The following CBR4 variants were observed in gnomAD, a reference collection of about 807,000 sequenced individuals.
The protein encoded by CBR4 is 3-oxoacyl-[acyl-carrier-protein] reductase.
CBR4 carries 22 observed loss-of-function variants against 21.0 expected under a neutral mutation model. That is an observed-to-expected ratio of 1.05 (90% CI 0.75 to 1.50). The LOEUF (loss-of-function observed/expected upper bound fraction) is 1.50, where lower values mean the gene tolerates loss of function less well. Among genes scored for constraint, CBR4 ranks in the 40% most tolerant of loss-of-function variants. CBR4 has a pLI of 0.00. For missense variants in CBR4, 302 were observed against 286.3 expected (o/e 1.05, Z -0.40); for synonymous variants, 100 against 104.4 (o/e 0.96, Z 0.26).
chr4:168,914,997 G>A (rs1759811847), intron 2 of CBR4, among the ~76,000 whole-genome samples: 1 of 152,152 alleles, frequency 6.6e-6, no homozygotes, highest in Non-Finnish European at 1.5e-5. Context: ...ACAGGATTAG[G>A]TCCATTGTCT....
At chr4:168,984,664 C>T (rs753670803), downstream of CBR4, among the ~76,000 whole-genome samples, 2 of 152,130 alleles carry the variant, frequency 1.3e-5, no homozygotes, top group Non-Finnish European at 2.9e-5. Flanking sequence ...TCAAAATATA[C>T]TAAAAGGCTA....
In CBR4 at chr4:168,921,733, T is replaced by C. The variant is rs1560929667; in HGVS notation, n.170-26968A>G. 1 of 1,611,180 alleles carries C rather than the reference T, an allele frequency of 6.2e-7. No homozygotes were observed. On this transcript the variant is annotated intron_variant and non_coding_transcript_variant, in intron 2 of 3. Transcript: ENST00000509108. The stretch of plus-strand genomic sequence containing the variant: ...CAGAACTCATTCAGCCTGGAGCTTG[T>C]GGTTGCTGGTAGGCTCATCTGTGAA...
At chr4:168,927,321 T>TCAAA (rs1762692550) in intron 2 of CBR4, 1 of 232,046 alleles carries the variant, frequency 4.3e-6, no homozygotes, top group African/African-American at 2.2e-5. Context: ...TTGGTTTTCT[T>TCAAA]CAAACATAGG....
At chr4:169,007,505 A>G in intron 2 of CBR4, 131 bp downstream of exon 2, 1 of 474,786 alleles carries the variant, frequency 2.1e-6, no homozygotes, top group Non-Finnish European at 3.4e-6. Context: ...TTATGGATTG[A>G]CAAGTTTTAA....
chr4:168,995,786 G>A (rs1402532621), intron 4 of CBR4, among the ~76,000 whole-genome samples: 2 of 152,090 alleles, frequency 1.3e-5, no homozygotes, highest in Non-Finnish European at 2.9e-5. Flanking sequence ...CCAGTTTGGA[G>A]GACAGACATG....
chr4:168,915,223 A>G (rs567451688), intron 2 of CBR4, among the ~76,000 whole-genome samples: 1 of 152,298 alleles, frequency 6.6e-6, no homozygotes, highest in South Asian at 2.1e-4. Context: ...CTTATCTTCT[A>G]GTCACTACTG....
intron 2 of CBR4, among the ~76,000 whole-genome samples, chr4:168,961,536 GTTTCTCCATGAGATCCA>G (rs1370288490): frequency 2.0e-5 from 3 of 151,982 alleles, no homozygotes; most frequent in African/African-American, 7.2e-5. Context: ...ACAGTTTCCA[GTTTCTCCATGAGATCCA>G]TGAACTAAAA....
intron 4 of CBR4, among the ~76,000 whole-genome samples, chr4:168,996,419 CCT>C (rs1020709090): frequency 7.2e-6 from 1 of 138,734 alleles, no homozygotes; most frequent in Non-Finnish European, 1.5e-5. Flanking sequence ...ATCACCCCCC[CCT>C]TTCCATTTCC....
In CBR4 at chr4:168,932,586, C is replaced by T. The variant is rs570073363; in HGVS notation, n.170-37821G>A. ...TCTAGCTCTAAGAAGCTTAAAGTCCCCAAAGAGATTCAACCTAAACAGTTC... is the reference window on the plus strand; with the variant it reads ...TCTAGCTCTAAGAAGCTTAAAGTCCTCAAAGAGATTCAACCTAAACAGTTC... On this transcript the variant is annotated intron_variant and non_coding_transcript_variant, in intron 2 of 3. Transcript: ENST00000509108. 6.6e-5 allele frequency among the ~76,000 whole-genome samples: 10 copies of T among 152,112 alleles called. 1 individual carries two copies. In the South Asian group the frequency reaches 1.9e-3, roughly 28 times the overall value.
chr4:169,007,481 T>C (rs1054490383), intron 2 of CBR4, among the ~76,000 whole-genome samples, 155 bp downstream of exon 2: 4 of 152,190 alleles, frequency 2.6e-5, no homozygotes, highest in Non-Finnish European at 5.9e-5. Context: ...TATCTCAATA[T>C]AAAGGAAAAT....
At chr4:168,970,416 C>T (rs573432259) in intron 2 of CBR4, among the ~76,000 whole-genome samples, 206 of 152,236 alleles carry the variant, frequency 1.4e-3, no homozygotes, top group African/African-American at 4.4e-3. Flanking sequence ...TCAATTTCTT[C>T]CCTACCTGAT....
rs1757100059 is a variant in CBR4 at position 168,904,015 on chromosome 4, T to C, written n.170-9250A>G. 7 of 1,133,264 alleles carry C rather than the reference T, an allele frequency of 6.2e-6. No homozygotes were observed. In the Admixed American group the frequency reaches 8.9e-5, roughly 14 times the overall value. 70.2% of individuals were successfully genotyped at this position (1,133,264 alleles called of 1,614,324 possible). ...GAAGTTAAGAAGTTTCTTTGATTTATGAAACTATTTTTCCAAATTCTACAT... is the reference window on the plus strand; with the variant it reads ...GAAGTTAAGAAGTTTCTTTGATTTACGAAACTATTTTTCCAAATTCTACAT... On this transcript the variant is annotated intron_variant and non_coding_transcript_variant, in intron 2 of 3. Transcript: ENST00000509108.
At chr4:168,979,343 A>G (rs2126778643) in intron 2 of CBR4, among the ~76,000 whole-genome samples, 1 of 152,228 alleles carries the variant, frequency 6.6e-6, no homozygotes, top group East Asian at 1.9e-4. Flanking sequence ...GAGCTTAAGG[A>G]CTATCACAGG....
chr4:169,002,034 A>G lies in CBR4; in HGVS notation c.535+37T>C, dbSNP rs758195973. The G allele has an allele frequency of 3.0e-5, 45 of 1,499,730 alleles. No individual in the cohort carries two copies. In the South Asian group the frequency reaches 5.5e-4, roughly 18 times the overall value. 92.9% of individuals were successfully genotyped at this position (1,499,730 alleles called of 1,614,324 possible). A position where few individuals can be genotyped will look rare whatever the true frequency, so the allele number is the denominator to read the frequency against. On this transcript the variant is annotated intron_variant, in intron 4 of 4. Coordinates refer to ENST00000306193, the MANE Select transcript of CBR4 (RefSeq NM_032783.5). ...ATAATGGCTTCCCTATAAAACAATA[A>G]TCATAATCAAGTTATTTTAATAAAG...
chr4:169,009,059 CAAAAA>C (rs34403282), intron 1 of CBR4: 12 of 359,992 alleles, frequency 3.3e-5, no homozygotes, highest in Admixed American at 1.1e-4. Context: ...GAAGCCCTCT[CAAAAA>C]AAAAAAAAAA....
chr4:169,007,349 G>A (rs1292228249), intron 2 of CBR4, among the ~76,000 whole-genome samples: 2 of 152,130 alleles, frequency 1.3e-5, no homozygotes, highest in Admixed American at 1.3e-4. Flanking sequence ...TCAGAAAACA[G>A]TTACCAACAA....
chr4:168,895,906 G>T (rs1359862630), intron 2 of CBR4, among the ~76,000 whole-genome samples: 1 of 152,104 alleles, frequency 6.6e-6, no homozygotes, highest in South Asian at 2.1e-4. Flanking sequence ...TGAAAATATT[G>T]TAAGTTGAAA....
At chr4:169,006,659 A>C (rs1185781476) in intron 3 of CBR4, 96 bp downstream of exon 3, 1 of 1,121,726 alleles carries the variant, frequency 8.9e-7, no homozygotes, top group Admixed American at 2.2e-5. Context: ...TATAAATTTC[A>C]TTCATGTTTC....
intron 4 of CBR4, among the ~76,000 whole-genome samples, chr4:168,997,437 A>C (rs1765258656): frequency 6.6e-6 from 1 of 152,144 alleles, no homozygotes; most frequent in Non-Finnish European, 1.5e-5. Context: ...TATATTTGAT[A>C]AACTCTAAAG....
Sources: allele counts gnomAD v4.1 joint callset (sites outside exome capture counted in the v4.1 genomes callset), GRCh38; gene constraint gnomAD v4.1.1; transcripts MANE v1.5; gene names NCBI Gene and HGNC (gene_info 2026-07-23, HGNC 2026-07-21).